EXOC2: variants seen among roughly 807,000 people sequenced by gnomAD.
EXOC2 encodes SEC5-like 1.
EXOC2 carries 70 observed loss-of-function variants against 131.8 expected under a neutral mutation model. The ratio of observed to expected loss-of-function variants is 0.53; its 90% confidence interval spans 0.44 to 0.65. The LOEUF (loss-of-function observed/expected upper bound fraction) is 0.65, where lower values mean the gene tolerates loss of function less well. Ranked by LOEUF, EXOC2 falls within the 30% of genes least tolerant of loss-of-function variation. The pLI is 0.00. For missense variants in EXOC2, 923 were observed against 1,108.6 expected (o/e 0.83, Z 2.38); for synonymous variants, 411 against 398.4 (o/e 1.03, Z -0.38).
intron 1 of EXOC2, chr6:657,160 C>T (rs1270113181): frequency 7.4e-6 from 3 of 406,508 alleles, no homozygotes; most frequent in African/African-American, 6.2e-5. Context: ...CGCCCGTTCT[C>T]ACCTTCCCTC....
At chr6:514,419 G>A (rs986356630) in intron 23 of EXOC2, among the ~76,000 whole-genome samples, 1 of 152,194 alleles carries the variant, frequency 6.6e-6, no homozygotes, top group Non-Finnish European at 1.5e-5. Flanking sequence ...TTGGGAGAAA[G>A]TCACAGAGAT....
At chr6:540,782 T>C (rs1016208577) in intron 22 of EXOC2, among the ~76,000 whole-genome samples, 1 of 152,096 alleles carries the variant, frequency 6.6e-6, no homozygotes, top group Non-Finnish European at 1.5e-5. Flanking sequence ...CTTTCCAGAA[T>C]TGATTAAAGA....
At chr6:496,836 C>T (rs1032581473) in intron 25 of EXOC2, among the ~76,000 whole-genome samples, 21 of 152,212 alleles carry the variant, frequency 1.4e-4, no homozygotes, top group African/African-American at 4.8e-4. Flanking sequence ...CTCACTGCCA[C>T]GCTGCCAGCC....
intron 11 of EXOC2, among the ~76,000 whole-genome samples, chr6:589,620 T>C (rs900259569): frequency 6.6e-6 from 1 of 152,228 alleles, no homozygotes; most frequent in East Asian, 1.9e-4. Context: ...TGTTTCTCCC[T>C]AGACCACAAG....
At chr6:526,033 C>A (rs1195954555) in intron 23 of EXOC2, among the ~76,000 whole-genome samples, 1 of 152,164 alleles carries the variant, frequency 6.6e-6, no homozygotes, top group African/African-American at 2.4e-5. Flanking sequence ...TTTCAATAAA[C>A]ATCACTGTAC....
At chr6:544,334 G>C (rs2127558055) in intron 22 of EXOC2, among the ~76,000 whole-genome samples, 1 of 152,198 alleles carries the variant, frequency 6.6e-6, no homozygotes, top group Admixed American at 6.5e-5. Flanking sequence ...CTTCTGATGG[G>C]GTATCTCTCT....
chr6:491,691 C>T (rs1561772336), intron 25 of EXOC2, among the ~76,000 whole-genome samples: 1 of 151,636 alleles, frequency 6.6e-6, no homozygotes, highest in Non-Finnish European at 1.5e-5. Context: ...ATCACAGCTG[C>T]TTTTTTTTTC....
Position 598,866 on chromosome 6 carries a change from T to A in EXOC2, c.964A>T (p.Lys322Ter). 1 of 1,609,860 alleles carries A rather than the reference T, an allele frequency of 6.2e-7. No individual in the cohort carries two copies. Among genetic ancestry groups the A allele is most frequent in the Non-Finnish European group, 8.5e-7 (1 of 1,178,496 alleles). The stretch of plus-strand genomic sequence containing the variant: ...AGTAATACATGAATCTTACATTTCT[T>A]GAAAACTTGCACCTCCGTTTTCCCA... ...LFGKTEVQVF[K>*]KYYAEVETRI... Residue 322 changes from lysine (K) to a stop codon, truncating the protein, a stop_gained, in exon 9 of 28, where the codon AAG becomes TAG. Coordinates refer to ENST00000230449, the MANE Select transcript of EXOC2 (RefSeq NM_018303.6). LOFTEE classifies it high-confidence loss of function.
intron 23 of EXOC2, among the ~76,000 whole-genome samples, chr6:518,986 A>G (rs1581353162): frequency 6.6e-6 from 1 of 152,230 alleles, no homozygotes; most frequent in Non-Finnish European, 1.5e-5. Context: ...ATCCGTTTTG[A>G]TCAAAAGCAG....
chr6:673,932 A>G (rs776282845), intron 1 of EXOC2, among the ~76,000 whole-genome samples: 7 of 152,218 alleles, frequency 4.6e-5, no homozygotes, highest in Non-Finnish European at 8.8e-5. Context: ...TAAAAAAAGT[A>G]TTATCTGTGA....
At chr6:500,605 T>G (rs1410370251) in intron 23 of EXOC2, among the ~76,000 whole-genome samples, 3 of 152,146 alleles carry the variant, frequency 2.0e-5, no homozygotes, top group Non-Finnish European at 2.9e-5. Context: ...AGAGCTTTCA[T>G]TATCATCATT....
At chr6:677,134 A>G (rs375236066) in intron 1 of EXOC2, among the ~76,000 whole-genome samples, 3 of 39,986 alleles carry the variant, frequency 7.5e-5, no homozygotes, top group Non-Finnish European at 1.3e-4. Flanking sequence ...ATACTCTTCA[A>G]CATTACGGAA....
At chr6:670,198 G>A (rs1038234853) in intron 1 of EXOC2, 1 of 152,202 alleles carries the variant, frequency 6.6e-6, no homozygotes, top group East Asian at 1.9e-4. Flanking sequence ...TGCCAAAGGT[G>A]AGCTCGTTGC....
intron 22 of EXOC2, among the ~76,000 whole-genome samples, chr6:547,381 C>G (rs1368438316): frequency 6.6e-6 from 1 of 152,210 alleles, no homozygotes; most frequent in Non-Finnish European, 1.5e-5. Context: ...CCAGAGGAGT[C>G]TGAGAGAAGG....
intron 20 of EXOC2, 34 bp downstream of exon 20, chr6:555,193 A>T: frequency 7.8e-7 from 1 of 1,278,382 alleles, no homozygotes; most frequent in African/African-American, 1.5e-5. Flanking sequence ...ATTCTCTTAA[A>T]TGCATTAATG....
chr6:684,211 G>C (rs1319910054), intron 1 of EXOC2, among the ~76,000 whole-genome samples: 2 of 152,138 alleles, frequency 1.3e-5, no homozygotes. Flanking sequence ...CAGGAAGAGG[G>C]GGAGGGGAGA....
intron 23 of EXOC2, among the ~76,000 whole-genome samples, chr6:509,327 T>C (rs1208381801): frequency 1.3e-5 from 2 of 152,182 alleles, no homozygotes; most frequent in African/African-American, 4.8e-5. Flanking sequence ...TTCCCAGAAG[T>C]GGAATTGCTG....
At chr6:671,630 T>A (rs1200213369) in intron 1 of EXOC2, among the ~76,000 whole-genome samples, 3 of 152,210 alleles carry the variant, frequency 2.0e-5, no homozygotes, top group African/African-American at 4.8e-5. Flanking sequence ...TTAAGGCAAA[T>A]CTAATGGCAA....
intron 17 of EXOC2, among the ~76,000 whole-genome samples, chr6:560,237 T>A (rs973473479): frequency 6.6e-5 from 10 of 152,236 alleles, no homozygotes; most frequent in Admixed American, 2.6e-4. Context: ...CACATCACTG[T>A]GAAGATGTGT....
Sources: allele counts gnomAD v4.1 joint callset (sites outside exome capture counted in the v4.1 genomes callset), GRCh38; gene constraint gnomAD v4.1.1; transcripts MANE v1.5; gene names NCBI Gene and HGNC (gene_info 2026-07-23, HGNC 2026-07-21).